Variants in PCDHGB3 observed in about 807,000 individuals in gnomAD.
PCDHGB3 encodes protocadherin gamma subfamily B, 3, also known as protocadherin gamma-B3.
Under a neutral mutation model 59.2 loss-of-function variants are expected in PCDHGB3, and 40 were observed. That is an observed-to-expected ratio of 0.68 (90% confidence interval 0.52 to 0.88). The LOEUF (loss-of-function observed/expected upper bound fraction) is 0.88, where lower values mean the gene tolerates loss of function less well. Ranked by LOEUF, PCDHGB3 falls within the 40% of genes least tolerant of loss-of-function variation. The pLI is 0.00. For missense variants in PCDHGB3, 1,309 were observed against 1,187.9 expected, an observed-to-expected ratio of 1.10 and a Z score of -1.50; for synonymous variants, 581 against 503.6, an observed-to-expected ratio of 1.15 and a Z score of -2.06.
intron 1 of PCDHGB3, chr5:141,423,522 G>A: frequency 6.2e-7 from 1 of 1,613,850 alleles, no homozygotes; most frequent in South Asian, 1.1e-5. Context: ...CGGACTCGCA[G>A]AAGAGTCACC....
intron 1 of PCDHGB3, chr5:141,441,665 A>G (rs994092543): frequency 2.3e-5 from 6 of 265,720 alleles, no homozygotes; most frequent in Non-Finnish European, 3.7e-5. Context: ...CCTTGAGCGC[A>G]CAGTGCGCCT....
intron 1 of PCDHGB3, among the ~76,000 whole-genome samples, chr5:141,456,287 C>T (rs951430060): frequency 1.3e-5 from 2 of 152,048 alleles, no homozygotes; most frequent in Non-Finnish European, 2.9e-5. Flanking sequence ...TGAAAAGGGG[C>T]GTCTAATGGA....
chr5:141,384,623 T>C (rs906239388), intron 1 of PCDHGB3: 7 of 1,614,092 alleles, frequency 4.3e-6, no homozygotes, highest in African/African-American at 1.3e-5. Flanking sequence ...TCTACTGGCA[T>C]GGAGCTGGCA....
At chr5:141,504,378 C>T (rs2099837786) in intron 2 of PCDHGB3, among the ~76,000 whole-genome samples, 1 of 152,052 alleles carries the variant, frequency 6.6e-6, no homozygotes, top group Non-Finnish European at 1.5e-5. Flanking sequence ...CAGGTGGAGT[C>T]GCTGCCTCAC....
At chr5:141,405,357 A>G in intron 1 of PCDHGB3, 1 of 1,613,846 alleles carries the variant, frequency 6.2e-7, no homozygotes, top group Non-Finnish European at 8.5e-7. Flanking sequence ...TTTCCTATAG[A>G]AGACACCCCT....
chr5:141,451,676 G>C (rs1363843426), intron 1 of PCDHGB3, among the ~76,000 whole-genome samples: 1 of 152,142 alleles, frequency 6.6e-6, no homozygotes, highest in African/African-American at 2.4e-5. Context: ...GAGCCCAGGA[G>C]TTCAAGACCA....
chr5:141,395,788 C>A (rs1254748153), intron 1 of PCDHGB3: 2 of 152,198 alleles, frequency 1.3e-5, no homozygotes, highest in African/African-American at 4.8e-5. Context: ...AACTTTAATA[C>A]TTCTTACCAT....
At chr5:141,507,786 GTCTAAGCC>G (rs1279265471) in intron 3 of PCDHGB3, among the ~76,000 whole-genome samples, 1 of 152,174 alleles carries the variant, frequency 6.6e-6, no homozygotes, top group Admixed American at 6.5e-5. Flanking sequence ...CCTGACCCTC[GTCTAAGCC>G]TGCGCCCTGG....
chr5:141,431,973 TC>T lies in PCDHGB3; in HGVS notation c.2415+59165del, dbSNP rs770294598. 13 of 1,614,100 alleles carry T rather than the reference TC, an allele frequency of 8.1e-6. No individual in the cohort carries two copies. The highest frequency in any genetic ancestry group is 1.0e-5 in the Non-Finnish European group (12 of 1,180,038). On this transcript the variant is annotated intron_variant, in intron 1 of 3. Transcript: ENST00000576222. This position sits in a 1 kb window ranked among gnomAD's most constrained non-coding sequence, Gnocchi z 4.8. ...TCTTACGGAAATTACTATAGTTTAG[TC>T]ACAGACATAGTCTTGGATAGGGAAC...
Position 141,487,858 on chromosome 5 carries a change from G to C in PCDHGB3, c.2416-6949G>C, listed in dbSNP as rs575288726. Reference sequence around the variant, plus strand: ...ATCTGAGTAAGAAATGAAAGTAATTGGTGATCAAGAGCCAGGCTGTTGTGG... The same window carrying C: ...ATCTGAGTAAGAAATGAAAGTAATTCGTGATCAAGAGCCAGGCTGTTGTGG... On this transcript the variant is annotated intron_variant, in intron 1 of 3. Transcript: ENST00000576222. The surrounding 1 kb of genome is among the most constrained non-coding windows in gnomAD (Gnocchi z 5.0). The C allele has an allele frequency of 3.8e-5, 36 of 953,250 alleles. No individual in the cohort carries two copies. The Middle Eastern group carries it at 1.3e-3, about 35-fold the overall frequency. 59.0% of individuals were successfully genotyped at this position (953,250 alleles called of 1,614,324 possible). A position where few individuals can be genotyped will look rare whatever the true frequency, so the allele number is the denominator to read the frequency against.
chr5:141,447,852 G>A (rs375081279), intron 1 of PCDHGB3, among the ~76,000 whole-genome samples: 2 of 152,144 alleles, frequency 1.3e-5, no homozygotes, highest in East Asian at 3.9e-4. Context: ...TTGGGAGGCC[G>A]AGGTGGGTGA....
At chr5:141,400,018 A>G in intron 1 of PCDHGB3, 2 of 1,612,648 alleles carry the variant, frequency 1.2e-6, no homozygotes, top group African/African-American at 1.3e-5. Context: ...CTTGGGCGAC[A>G]GGGACGCGGC....
intron 1 of PCDHGB3, chr5:141,395,104 G>A (rs1420682544): frequency 1.9e-6 from 3 of 1,614,028 alleles, no homozygotes; most frequent in Admixed American, 3.3e-5. Flanking sequence ...GCCGACTCGC[G>A]GAAGAGTCAC....
At chr5:141,390,019 G>GCCTGCGAC (rs1380063948) in intron 1 of PCDHGB3, 1 of 1,614,002 alleles carries the variant, frequency 6.2e-7, no homozygotes. Context: ...ATTGCCTTGC[G>GCCTGCGAC]CCTGCGACGC....
At position 141,490,124 on chromosome 5, in the gene PCDHGB3, T is replaced by C. The variant is rs1216088470; in HGVS notation, c.2416-4683T>C. On this transcript the variant is annotated intron_variant, in intron 1 of 3. Transcript: ENST00000576222. The surrounding 1 kb of genome is among the most constrained non-coding windows in gnomAD (Gnocchi z 5.4). ...GAGGCAGTGCGGAACCTCTTTGGCCTAGACCCTAGCAGTGGGGCAATCCAT... is the reference window on the plus strand; with the variant it reads ...GAGGCAGTGCGGAACCTCTTTGGCCCAGACCCTAGCAGTGGGGCAATCCAT... 6.2e-7 allele frequency: 1 copy of C among 1,614,144 alleles called. No individual in the cohort carries two copies. Among genetic ancestry groups the C allele is most frequent in the Non-Finnish European group, 8.5e-7 (1 of 1,180,054 alleles).
At chr5:141,413,612 T>C (rs1282180585) in intron 1 of PCDHGB3, 1 of 1,613,696 alleles carries the variant, frequency 6.2e-7, no homozygotes, top group Non-Finnish European at 8.5e-7. Context: ...GACGTAAAAA[T>C]TAATGAAAAT....
intron 1 of PCDHGB3, among the ~76,000 whole-genome samples, chr5:141,462,550 A>G (rs1485478117): frequency 6.6e-6 from 1 of 151,942 alleles, no homozygotes; most frequent in East Asian, 1.9e-4. Flanking sequence ...TTTCTTCTTC[A>G]GTGTTTACTG....
chr5:141,397,199 T>A (rs1317536621), intron 1 of PCDHGB3, among the ~76,000 whole-genome samples: 1 of 152,156 alleles, frequency 6.6e-6, no homozygotes, highest in Non-Finnish European at 1.5e-5. Context: ...GTAAAAGATA[T>A]GACATAAGAG....
rs771884610 is a variant in PCDHGB3, at chr5:141,491,436, G to T, written c.2416-3371G>T. 1 of 1,614,070 alleles carries T rather than the reference G, an allele frequency of 6.2e-7. No individual in the cohort carries two copies. ...ACGGGGGTGGAGGGCAGTGCTGCAGGCGCCAGGACTCACCCTCCCCGGACT... is the reference window on the plus strand; with the variant it reads ...ACGGGGGTGGAGGGCAGTGCTGCAGTCGCCAGGACTCACCCTCCCCGGACT... On this transcript the variant is annotated intron_variant, in intron 1 of 3. Coordinates refer to ENST00000576222, the MANE Select transcript of PCDHGB3 (RefSeq NM_018924.5). The surrounding 1 kb of genome is among the most constrained non-coding windows in gnomAD (Gnocchi z 6.9).
Sources: gnomAD v4.1 joint callset for allele counts (sites outside exome capture counted in the v4.1 genomes callset) on GRCh38, gnomAD v4.1.1 for gene constraint, Gnocchi (gnomAD v3.1) non-coding constraint, MANE v1.5 for transcripts, NCBI Gene and HGNC (gene_info 2026-07-23, HGNC 2026-07-21) for gene names.